BRINP3: variants seen among roughly 807,000 people sequenced by gnomAD.
BRINP3 encodes the protein BMP/retinoic acid-inducible neural-specific protein 3.
BRINP3 carries 19 observed loss-of-function variants against 71.0 expected under a neutral mutation model. That is an observed-to-expected ratio of 0.27 (90% CI 0.19 to 0.39). The LOEUF is 0.39. Ranked by LOEUF, BRINP3 falls within the 10% of genes least tolerant of loss-of-function variation. BRINP3 has a pLI of 1.00. For missense variants in BRINP3, 959 were observed against 940.8 expected, an observed-to-expected ratio of 1.02 and a Z score of -0.25; for synonymous variants, 380 against 337.7, an observed-to-expected ratio of 1.13 and a Z score of -1.37.
At chr1:190,156,622 A>G (rs13374608) in intron 7 of BRINP3, among the ~76,000 whole-genome samples, 20,392 of 151,974 alleles carry the variant, frequency 0.13, 2,013 homozygotes, top group South Asian at 0.25. Flanking sequence ...ACGGGGATGG[A>G]AAATATCAAA....
intron 1 of BRINP3, among the ~76,000 whole-genome samples, chr1:190,473,226 A>C (rs963586455): frequency 6.6e-6 from 1 of 152,022 alleles, no homozygotes; most frequent in African/African-American, 2.4e-5. Flanking sequence ...ATTAAATGCA[A>C]AAGTATTAGG....
intron 4 of BRINP3, among the ~76,000 whole-genome samples, chr1:190,258,400 T>C (rs1289163524): frequency 6.6e-6 from 1 of 151,954 alleles, no homozygotes; most frequent in Non-Finnish European, 1.5e-5. Context: ...GCTTTTCAAA[T>C]ATTAACTCAT....
At chr1:190,248,808 C>T (rs1488829084) in intron 4 of BRINP3, among the ~76,000 whole-genome samples, 1 of 151,484 alleles carries the variant, frequency 6.6e-6, no homozygotes, top group Non-Finnish European at 1.5e-5. Flanking sequence ...ATATGACATC[C>T]TAAATTTTCT....
chr1:190,381,290 G>A (rs6676702), intron 2 of BRINP3, among the ~76,000 whole-genome samples: 27,342 of 151,790 alleles, frequency 0.18, 2,602 homozygotes, highest in African/African-American at 0.23. Context: ...AAAACAAAAC[G>A]AAACAAAACA....
At chr1:190,203,169 T>A (rs1305509490) in intron 6 of BRINP3, among the ~76,000 whole-genome samples, 2 of 151,848 alleles carry the variant, frequency 1.3e-5, no homozygotes, top group East Asian at 1.9e-4. Context: ...TCACAAAGAG[T>A]AAGTAAGACA....
intron 2 of BRINP3, among the ~76,000 whole-genome samples, chr1:190,425,424 C>T (rs1302961385): frequency 6.6e-6 from 1 of 151,646 alleles, no homozygotes; most frequent in Admixed American, 6.6e-5. Context: ...AAATGAACAG[C>T]GTTTTCATAT....
intron 7 of BRINP3, among the ~76,000 whole-genome samples, chr1:190,108,962 A>T (rs372231503): frequency 6.6e-6 from 1 of 152,158 alleles, no homozygotes; most frequent in African/African-American, 2.4e-5. Flanking sequence ...TTACTTGAAG[A>T]GCTTCATCTG....
At chr1:190,447,075 A>G (rs1428145314) in intron 2 of BRINP3, among the ~76,000 whole-genome samples, 3 of 151,888 alleles carry the variant, frequency 2.0e-5, no homozygotes, top group African/African-American at 7.2e-5. Context: ...AGAGAAATTC[A>G]GGGACATGAG....
rs765692464 is a variant in BRINP3 at position 190,098,875 on chromosome 1, T to C, written c.1444A>G (p.Thr482Ala). 6.2e-7 allele frequency: 1 copy of C among 1,614,098 alleles called. No individual in the cohort carries two copies. Among genetic ancestry groups the C allele is most frequent in the African/African-American group, 1.3e-5 (1 of 74,930 alleles). The change falls in exon 8 of 8, where the codon ACC (threonine) becomes GCC (alanine). Residue 482 changes from threonine to alanine, a missense_variant. Coordinates refer to ENST00000367462, the MANE Select transcript of BRINP3 (RefSeq NM_199051.3). ...GTTTCAAAGCCAATATAGTGATCGG[T>C]GGACTCGGCGACTTCAGGCTTGCAG... ...GLCKPEVAES[T>A]DHYIGFETDL...
At chr1:190,429,828 A>T (rs903339087) in intron 2 of BRINP3, among the ~76,000 whole-genome samples, 1 of 152,092 alleles carries the variant, frequency 6.6e-6, no homozygotes, top group African/African-American at 2.4e-5. Context: ...ACATCAAGTC[A>T]TCTGCCCTGC....
intron 7 of BRINP3, among the ~76,000 whole-genome samples, chr1:190,105,505 A>T (rs1652074478): frequency 6.6e-6 from 1 of 152,188 alleles, no homozygotes; most frequent in South Asian, 2.1e-4. Context: ...CACAACTCTC[A>T]CTACTCCCTG....
chr1:190,308,002 G>A lies in BRINP3; in HGVS notation c.237-26252C>T, dbSNP rs74129277. On this transcript the variant is annotated intron_variant, in intron 2 of 7. Transcript: ENST00000367462. Reference sequence around the variant, plus strand: ...GCTCTGATGACATTTGCCTAACCCAGATGAACTTAAACTTCAGTTTGTATG... The same window carrying A: ...GCTCTGATGACATTTGCCTAACCCAAATGAACTTAAACTTCAGTTTGTATG... Among the ~76,000 whole-genome samples, 241 of 151,986 alleles carry A rather than the reference G, an allele frequency of 1.6e-3. 1 individual carries two copies. Among genetic ancestry groups the A allele is most frequent in the African/African-American group, 5.5e-3 (227 of 41,522 alleles).
chr1:190,390,779 T>C (rs957178702), intron 2 of BRINP3, among the ~76,000 whole-genome samples: 3 of 151,708 alleles, frequency 2.0e-5, no homozygotes, highest in Non-Finnish European at 2.9e-5. Context: ...CTAAATGCAA[T>C]ACATAGATAA....
intron 2 of BRINP3, among the ~76,000 whole-genome samples, chr1:190,335,074 C>G (rs1667202367): frequency 6.6e-6 from 1 of 151,772 alleles, no homozygotes; most frequent in African/African-American, 2.4e-5. Context: ...TTCTACAAAT[C>G]TCCAGGAAAA....
intron 6 of BRINP3, among the ~76,000 whole-genome samples, chr1:190,164,012 T>C (rs10920655): frequency 0.12 from 18,802 of 152,162 alleles, 1,710 homozygotes; most frequent in South Asian, 0.26. Flanking sequence ...AATTATCTTA[T>C]GTATTTATGT....
chr1:190,134,361 A>T (rs1654799004), intron 7 of BRINP3, among the ~76,000 whole-genome samples: 1 of 152,090 alleles, frequency 6.6e-6, no homozygotes, highest in Admixed American at 6.6e-5. Flanking sequence ...GTTCATTGAG[A>T]GTGACAAAGC....
chr1:190,118,090 A>G (rs2102306595), intron 7 of BRINP3, among the ~76,000 whole-genome samples: 1 of 151,910 alleles, frequency 6.6e-6, no homozygotes, highest in South Asian at 2.1e-4. Flanking sequence ...TGCTGAATCC[A>G]CTATGTTTTA....
At chr1:190,174,125 G>T (rs1232098521) in intron 6 of BRINP3, among the ~76,000 whole-genome samples, 2 of 152,084 alleles carry the variant, frequency 1.3e-5, no homozygotes, top group Non-Finnish European at 2.9e-5. Flanking sequence ...TTTCATGCTT[G>T]TAAGTCACTT....
chr1:190,390,896 G>C (rs1330893319), intron 2 of BRINP3, among the ~76,000 whole-genome samples: 2 of 151,818 alleles, frequency 1.3e-5, no homozygotes, highest in Non-Finnish European at 2.9e-5. Flanking sequence ...TTTAGCATAT[G>C]AGTGACTTGG....
Sources: allele counts gnomAD v4.1 joint callset (sites outside exome capture counted in the v4.1 genomes callset), GRCh38; gene constraint gnomAD v4.1.1; transcripts MANE v1.5; gene names NCBI Gene and HGNC (gene_info 2026-07-23, HGNC 2026-07-21).